KIF6: variants seen among roughly 807,000 people sequenced by gnomAD.
KIF6 encodes kinesin-like protein KIF6.
Under a neutral mutation model 112.7 loss-of-function variants are expected in KIF6, and 106 were observed. The observed-to-expected ratio is 0.94, with a 90% CI of 0.80 to 1.11. The LOEUF (loss-of-function observed/expected upper bound fraction) is 1.11, where lower values mean the gene tolerates loss of function less well. Among genes scored for constraint, KIF6 ranks in the 50% least tolerant of loss-of-function variants. The pLI is 0.00. For synonymous variants in KIF6, 339 were observed against 339.9 expected (o/e 1.00, Z 0.03); for missense variants, 929 against 964.0 (o/e 0.96, Z 0.48).
rs372661707 is a variant in KIF6, at chr6:39,387,870, C to T, written c.1811-2198G>A. ...AGATATTGCTGTGACAAATGCAACA[C>T]ACCATTTAGAAACATCTCTTGATTT... is the stretch of plus-strand genomic sequence containing the variant. On this transcript the variant is annotated intron_variant, in intron 15 of 22. Transcript: ENST00000287152. Among the ~76,000 whole-genome samples, 10 of 152,310 alleles carry T rather than the reference C, an allele frequency of 6.6e-5. No individual in the cohort carries two copies. In the East Asian group the frequency reaches 1.2e-3, roughly 18 times the overall value.
intron 19 of KIF6, among the ~76,000 whole-genome samples, chr6:39,356,378 G>A (rs1223713316): frequency 3.3e-5 from 5 of 151,838 alleles, no homozygotes; most frequent in Non-Finnish European, 5.9e-5. Context: ...TGATTCTCCT[G>A]CCTCAGCCCC....
Position 39,385,614 on chromosome 6 carries a change from G to T in KIF6, c.1861+8C>A, listed in dbSNP as rs774271776. 1.9e-6 allele frequency: 3 copies of T among 1,609,840 alleles called. No individual in the cohort carries two copies. The highest frequency in any genetic ancestry group is 4.5e-5 in the East Asian group (2 of 44,864). On this transcript the variant is annotated splice_region_variant and intron_variant, in intron 16 of 22. Transcript: ENST00000287152. ...CATCCTCTTCCTGCAGATTCTCTTTGTACCTACCTAGGGCTACTTGCTGTA... is the reference window on the plus strand; with the variant it reads ...CATCCTCTTCCTGCAGATTCTCTTTTTACCTACCTAGGGCTACTTGCTGTA...
In KIF6 at chr6:39,507,638, C is replaced by CCCTT. The variant is rs771041554; in HGVS notation, c.1645+32361_1645+32364dup. Among the ~76,000 whole-genome samples the CCCTT allele has an allele frequency of 4.7e-4, 14 of 29,854 alleles. 1 individual carries two copies. Among genetic ancestry groups the CCCTT allele is most frequent in the African/African-American group, 1.4e-3 (8 of 5,824 alleles). 19.6% of individuals were successfully genotyped at this position (29,854 alleles called of 152,430 possible). ...CTTTCCTTTCCTTTCCTTTCCTTTC[C>CCCTT]CCTTCCTTCCTTCCTTCCTTCCTTC... is the stretch of plus-strand genomic sequence containing the variant. On this transcript the variant is annotated intron_variant, in intron 13 of 22. Transcript: ENST00000287152.
At chr6:39,582,252 A>T (rs935396850) in intron 9 of KIF6, among the ~76,000 whole-genome samples, 3 of 152,176 alleles carry the variant, frequency 2.0e-5, no homozygotes, top group African/African-American at 7.2e-5. Context: ...TACTACAGTT[A>T]TGCCTCCCAT....
intron 10 of KIF6, among the ~76,000 whole-genome samples, chr6:39,557,176 A>G (rs1779750582): frequency 6.6e-6 from 1 of 152,168 alleles, no homozygotes; most frequent in Non-Finnish European, 1.5e-5. Context: ...AAAAATGCAA[A>G]GTAAATCCTT....
chr6:39,563,615 T>C (rs978553204), intron 10 of KIF6, among the ~76,000 whole-genome samples: 1 of 152,230 alleles, frequency 6.6e-6, no homozygotes, highest in African/African-American at 2.4e-5. Flanking sequence ...GTGATAAATA[T>C]CTTTGTATCT....
chr6:39,667,953 T>C (rs183247467), intron 3 of KIF6, among the ~76,000 whole-genome samples: 3 of 152,268 alleles, frequency 2.0e-5, no homozygotes, highest in African/African-American at 7.2e-5. Context: ...CCCTTGATGA[T>C]GAGTGAGTTC....
chr6:39,451,351 G>A (rs1305809418), intron 13 of KIF6, among the ~76,000 whole-genome samples: 3 of 152,244 alleles, frequency 2.0e-5, no homozygotes, highest in African/African-American at 7.2e-5. Flanking sequence ...TTTTACTGAG[G>A]GAGAATACAG....
chr6:39,499,697 C>T (rs1302028309), intron 13 of KIF6, among the ~76,000 whole-genome samples: 2 of 152,138 alleles, frequency 1.3e-5, no homozygotes, highest in Non-Finnish European at 2.9e-5. Context: ...CCTCCCTTCC[C>T]CCTTGAGCTA....
At chr6:39,376,022 C>T (rs113308607) in intron 16 of KIF6, among the ~76,000 whole-genome samples, 4 of 152,310 alleles carry the variant, frequency 2.6e-5, no homozygotes, top group African/African-American at 4.8e-5. Context: ...TCCTCACTCC[C>T]AGCCTCTCCC....
chr6:39,562,176 A>G (rs1233880803), intron 10 of KIF6, among the ~76,000 whole-genome samples: 1 of 152,202 alleles, frequency 6.6e-6, no homozygotes, highest in African/African-American at 2.4e-5. Context: ...GAGTTTTATC[A>G]GCTGTGGTTA....
At chr6:39,362,661 C>T (rs1765254228) in intron 16 of KIF6, 143 bp from the exon 17 acceptor site, 3 of 671,848 alleles carry the variant, frequency 4.5e-6, no homozygotes, top group South Asian at 1.7e-5. Context: ...TGGTGGCAAC[C>T]TCTGCTCAGC....
chr6:39,528,230 G>T (rs1777843560), intron 13 of KIF6, among the ~76,000 whole-genome samples: 1 of 152,004 alleles, frequency 6.6e-6, no homozygotes, highest in African/African-American at 2.4e-5. Flanking sequence ...CTCTGTGCCT[G>T]GCTTATTTCA....
intron 15 of KIF6, among the ~76,000 whole-genome samples, chr6:39,414,797 A>C (rs1200486647): frequency 6.6e-6 from 1 of 152,184 alleles, no homozygotes; most frequent in Non-Finnish European, 1.5e-5. Flanking sequence ...GGTAAATGTG[A>C]ATTTATGGAG....
intron 13 of KIF6, among the ~76,000 whole-genome samples, chr6:39,494,602 A>G (rs1416647329): frequency 6.6e-6 from 1 of 152,218 alleles, no homozygotes; most frequent in Non-Finnish European, 1.5e-5. Context: ...CTTTCTCTAG[A>G]AAGAAATCCT....
chr6:39,636,497 T>C (rs546408429), intron 4 of KIF6, among the ~76,000 whole-genome samples: 5 of 152,130 alleles, frequency 3.3e-5, no homozygotes, highest in East Asian at 1.9e-4. Flanking sequence ...TTAGTAAAGG[T>C]ACTATTTCAA....
intron 16 of KIF6, among the ~76,000 whole-genome samples, chr6:39,383,049 C>T (rs1207420966): frequency 2.6e-5 from 4 of 151,658 alleles, no homozygotes; most frequent in African/African-American, 9.7e-5. Context: ...AGTTCCTTAT[C>T]GATTCTGGAT....
At chr6:39,414,136 T>C (rs924568485) in intron 15 of KIF6, among the ~76,000 whole-genome samples, 1 of 151,902 alleles carries the variant, frequency 6.6e-6, no homozygotes, top group African/African-American at 2.4e-5. Context: ...AATATAATAT[T>C]TTTTTTTACT....
At chr6:39,358,798 G>A (rs1428645308) in intron 18 of KIF6, among the ~76,000 whole-genome samples, 1 of 152,148 alleles carries the variant, frequency 6.6e-6, no homozygotes, top group Non-Finnish European at 1.5e-5. Context: ...AAAAGTATTA[G>A]CAATACCTGT....
Sources: gnomAD v4.1 joint callset for allele counts (sites outside exome capture counted in the v4.1 genomes callset) on GRCh38, gnomAD v4.1.1 for gene constraint, MANE v1.5 for transcripts, NCBI Gene and HGNC (gene_info 2026-07-23, HGNC 2026-07-21) for gene names.